RABGAP1L: variants seen among roughly 807,000 people sequenced by gnomAD.
The protein encoded by RABGAP1L is rab GTPase-activating protein 1-like.
RABGAP1L carries 63 observed loss-of-function variants against 137.7 expected under a neutral mutation model. The ratio of observed to expected loss-of-function variants is 0.46; its 90% confidence interval spans 0.37 to 0.56. The LOEUF is 0.56. Ranked by LOEUF, RABGAP1L falls within the 20% of genes least tolerant of loss-of-function variation. The probability of loss-of-function intolerance (pLI) is 0.00; values close to 1 mark genes in which losing one functional copy is unlikely to be tolerated. For missense variants in RABGAP1L, 1,095 were observed against 1,244.0 expected, an observed-to-expected ratio of 0.88 and a Z score of 1.80; for synonymous variants, 431 against 433.7, an observed-to-expected ratio of 0.99 and a Z score of 0.08.
At chr1:174,821,855 T>C (rs916259922) in intron 19 of RABGAP1L, among the ~76,000 whole-genome samples, 1 of 152,234 alleles carries the variant, frequency 6.6e-6, no homozygotes, top group Non-Finnish European at 1.5e-5. Flanking sequence ...TGTGTTCCTT[T>C]TCTATAAAGA....
intron 24 of RABGAP1L, among the ~76,000 whole-genome samples, chr1:174,987,596 T>A (rs188755173): frequency 2.0e-5 from 3 of 152,268 alleles, no homozygotes; most frequent in African/African-American, 7.2e-5. Context: ...GAGTTGCTTT[T>A]TGTGTGTGTG....
chr1:174,985,647 A>G (rs887978162), intron 24 of RABGAP1L, among the ~76,000 whole-genome samples: 1 of 151,984 alleles, frequency 6.6e-6, no homozygotes, highest in Non-Finnish European at 1.5e-5. Context: ...TGTCATGATC[A>G]CCCCCCAGTT....
intron 13 of RABGAP1L, among the ~76,000 whole-genome samples, chr1:174,577,294 G>A (rs1668450385): frequency 6.8e-6 from 1 of 147,880 alleles, no homozygotes; most frequent in East Asian, 2.0e-4. Flanking sequence ...TATAGTCAAT[G>A]GAAGAATTTA....
intron 13 of RABGAP1L, among the ~76,000 whole-genome samples, chr1:174,572,318 C>G (rs146433743): frequency 2.0e-5 from 3 of 152,106 alleles, no homozygotes; most frequent in African/African-American, 7.2e-5. Context: ...AATGTTATTA[C>G]GCTTGACCTG....
intron 13 of RABGAP1L, among the ~76,000 whole-genome samples, chr1:174,633,108 T>C (rs1354240579): frequency 1.3e-5 from 2 of 152,070 alleles, no homozygotes; most frequent in East Asian, 1.9e-4. Context: ...TGTTTGCAGA[T>C]GATATGATTG....
At chr1:174,439,601 A>G (rs1653890864) in intron 13 of RABGAP1L, among the ~76,000 whole-genome samples, 1 of 152,212 alleles carries the variant, frequency 6.6e-6, no homozygotes, top group Admixed American at 6.5e-5. Context: ...ATAGATGACT[A>G]ATACTGCCCT....
intron 19 of RABGAP1L, among the ~76,000 whole-genome samples, chr1:174,910,200 A>C (rs1242571130): frequency 6.6e-6 from 1 of 152,164 alleles, no homozygotes; most frequent in Non-Finnish European, 1.5e-5. Context: ...CTCCCATCAA[A>C]GAGATGGAGA....
intron 19 of RABGAP1L, among the ~76,000 whole-genome samples, chr1:174,939,563 GA>G (rs1264996974): frequency 6.8e-6 from 1 of 146,722 alleles, no homozygotes; most frequent in African/African-American, 2.5e-5. Context: ...AAAAAAAAAA[GA>G]AAAAAAGAAA....
At chr1:174,407,961 A>G (rs74128393) in intron 13 of RABGAP1L, among the ~76,000 whole-genome samples, 31,758 of 152,144 alleles carry the variant, frequency 0.21, 3,663 homozygotes, top group Admixed American at 0.24. Flanking sequence ...TACACTCACC[A>G]CAATAGCAAC....
intron 19 of RABGAP1L, among the ~76,000 whole-genome samples, chr1:174,896,076 C>T (rs1657107941): frequency 6.6e-6 from 1 of 152,182 alleles, no homozygotes; most frequent in African/African-American, 2.4e-5. Context: ...AAAAGTGTTC[C>T]TATTTCTCCA....
At chr1:174,893,891 T>A (rs1296318415) in intron 19 of RABGAP1L, among the ~76,000 whole-genome samples, 1 of 152,186 alleles carries the variant, frequency 6.6e-6, no homozygotes, top group Non-Finnish European at 1.5e-5. Context: ...CAAATTAATA[T>A]CTCCAAGTCA....
In RABGAP1L at chr1:174,957,522, A is replaced by C; in HGVS notation, c.2406A>C (p.Gln802His). ...EYQTMRESQLQQEDPMDRYKR... is the reference protein window; with the variant it reads ...EYQTMRESQLHQEDPMDRYKR... The stretch of plus-strand genomic sequence containing the variant: ...AGACAATGCGAGAGAGTCAGCTGCA[A>C]CAGGAAGACCCAATGGATAGATACA... Residue 802 changes from glutamine (Q) to histidine (H), a missense_variant, in exon 20 of 26, where the codon CAA becomes CAC. Transcript: ENST00000681986. 2.5e-6 allele frequency: 4 copies of C among 1,612,060 alleles called. No individual in the cohort carries two copies. Among genetic ancestry groups the C allele is most frequent in the Non-Finnish European group, 3.4e-6 (4 of 1,178,158 alleles).
chr1:174,705,980 A>T (rs1214989863), intron 17 of RABGAP1L, among the ~76,000 whole-genome samples: 1 of 152,206 alleles, frequency 6.6e-6, no homozygotes. Context: ...GGAAGCTCTC[A>T]GGTAGAAAAG....
intron 18 of RABGAP1L, among the ~76,000 whole-genome samples, chr1:174,759,931 C>T (rs545441146): frequency 5.3e-5 from 8 of 152,300 alleles, no homozygotes; most frequent in Middle Eastern, 6.8e-3. Flanking sequence ...TTGGGGATTA[C>T]ACTTCAACAT....
chr1:174,209,351 C>G (rs1329227184), intron 1 of RABGAP1L, among the ~76,000 whole-genome samples: 2 of 152,076 alleles, frequency 1.3e-5, no homozygotes, highest in Non-Finnish European at 2.9e-5. Context: ...TGCCCTGGAC[C>G]AGAGGGGAGC....
intron 18 of RABGAP1L, among the ~76,000 whole-genome samples, chr1:174,778,021 A>G (rs1167041265): frequency 2.0e-5 from 3 of 152,036 alleles, no homozygotes; most frequent in Non-Finnish European, 1.5e-5. Context: ...ATTTGATGAA[A>G]ATTTTTCCAA....
At chr1:174,596,582 T>C (rs4652652) in intron 13 of RABGAP1L, among the ~76,000 whole-genome samples, 31,920 of 152,214 alleles carry the variant, frequency 0.21, 3,689 homozygotes, top group Admixed American at 0.25. Context: ...TGTAATTTTA[T>C]GTAATTTACT....
intron 14 of RABGAP1L, among the ~76,000 whole-genome samples, chr1:174,652,188 T>G (rs1185821832): frequency 2.0e-5 from 3 of 152,230 alleles, no homozygotes; most frequent in Non-Finnish European, 4.4e-5. Context: ...GCTTGTAGAC[T>G]TTCTGCCGAG....
chr1:174,806,487 A>G (rs1488314486), intron 18 of RABGAP1L, among the ~76,000 whole-genome samples: 9 of 152,180 alleles, frequency 5.9e-5, no homozygotes, highest in African/African-American at 1.9e-4. Context: ...GCATGCCTGT[A>G]GTCCAAGCTA....
Sources: gnomAD v4.1 joint callset for allele counts (sites outside exome capture counted in the v4.1 genomes callset) on GRCh38, gnomAD v4.1.1 for gene constraint, MANE v1.5 for transcripts, NCBI Gene and HGNC (gene_info 2026-07-23, HGNC 2026-07-21) for gene names.